MAGI2: variants seen among roughly 807,000 people sequenced by gnomAD.
MAGI2 encodes membrane-associated guanylate kinase, WW and PDZ domain-containing protein 2.
A neutral mutation model predicts 133.3 loss-of-function variants in MAGI2; 35 were observed. The ratio of observed to expected loss-of-function variants is 0.26; its 90% CI spans 0.20 to 0.35. MAGI2 has a LOEUF of 0.35. MAGI2 is among the 10% of genes least tolerant of loss of function. MAGI2 has a pLI of 1.00. For missense variants in MAGI2, 1,636 were observed against 1,863.4 expected (o/e 0.88, Z 2.25); for synonymous variants, 729 against 710.6 (o/e 1.03, Z -0.41).
chr7:78,381,524 C>A (rs774721349), intron 6 of MAGI2, among the ~76,000 whole-genome samples: 1 of 151,920 alleles, frequency 6.6e-6, no homozygotes, highest in Non-Finnish European at 1.5e-5. Flanking sequence ...AAAAGATAAC[C>A]GATGAACTGG....
At position 78,757,305 on chromosome 7, in the gene MAGI2, TTC is replaced by T. The variant is rs3086250; in HGVS notation, c.419-130068_419-130067del. Among the ~76,000 whole-genome samples the T allele has an allele frequency of 1.5e-3, 214 of 145,300 alleles. 2 individuals carry two copies. The highest frequency in any genetic ancestry group is 4.5e-3 in the African/African-American group (176 of 39,424). On this transcript the variant is annotated intron_variant, in intron 2 of 21. Transcript: ENST00000354212. ...TCCCTCCCTCCCTCCTTCTCCCTCC[TTC>T]TCTCTCTCTCTCTCTCTCTCCATAA... is the stretch of plus-strand genomic sequence containing the variant.
At chr7:78,976,466 A>T (rs996657452) in intron 2 of MAGI2, among the ~76,000 whole-genome samples, 1 of 151,382 alleles carries the variant, frequency 6.6e-6, no homozygotes, top group Admixed American at 6.6e-5. Context: ...TAAGTAAATA[A>T]ATAAATAAAT....
chr7:78,706,415 A>G (rs542970383), intron 2 of MAGI2, among the ~76,000 whole-genome samples: 3 of 152,088 alleles, frequency 2.0e-5, no homozygotes, highest in Admixed American at 6.6e-5. Flanking sequence ...TGTAAGTCCA[A>G]TTAAACCTCT....
At chr7:78,440,814 G>A (rs1327586800) in intron 6 of MAGI2, among the ~76,000 whole-genome samples, 5 of 151,998 alleles carry the variant, frequency 3.3e-5, no homozygotes, top group African/African-American at 7.2e-5. Context: ...TTAGCCAGGC[G>A]TGGTAGTGGG....
chr7:78,790,464 C>T (rs1383449690), intron 2 of MAGI2, among the ~76,000 whole-genome samples: 4 of 152,100 alleles, frequency 2.6e-5, no homozygotes, highest in Non-Finnish European at 4.4e-5. Flanking sequence ...GACAGAGTCT[C>T]CCTTTGTTGC....
At chr7:78,331,389 G>T (rs1161098568) in intron 9 of MAGI2, among the ~76,000 whole-genome samples, 1 of 152,194 alleles carries the variant, frequency 6.6e-6, no homozygotes, top group Non-Finnish European at 1.5e-5. Context: ...AAAAAATAAT[G>T]CAGATGGCAG....
chr7:78,894,503 C>T lies in MAGI2; in HGVS notation c.418+112587G>A, dbSNP rs192779667. On this transcript the variant is annotated intron_variant, in intron 2 of 21. Coordinates refer to ENST00000354212, the MANE Select transcript of MAGI2 (RefSeq NM_012301.4). Reference sequence around the variant, plus strand: ...GGAAAAATAATTAGTCTTCATGTACCTGTGCCATAATGCTTTTATCTGTAA... The same window carrying T: ...GGAAAAATAATTAGTCTTCATGTACTTGTGCCATAATGCTTTTATCTGTAA... Among the ~76,000 whole-genome samples, 38 of 152,208 alleles carry T rather than the reference C, an allele frequency of 2.5e-4. No homozygotes were observed. In the East Asian group the frequency reaches 6.6e-3, roughly 26 times the overall value.
Position 79,103,227 on chromosome 7 carries a change from G to A in MAGI2, c.302-96021C>T, listed in dbSNP as rs117132890. ...ACAATTAAGCCAATTTAAAATATTA[G>A]TCTGGCATTTAAAAATGAAGAAGCA... is the stretch of plus-strand genomic sequence containing the variant. On this transcript the variant is annotated intron_variant, in intron 1 of 21. Coordinates refer to ENST00000354212, the MANE Select transcript of MAGI2 (RefSeq NM_012301.4). Among the ~76,000 whole-genome samples the A allele has an allele frequency of 1.9e-4, 29 of 152,270 alleles. 2 individuals carry two copies. In the East Asian group the frequency reaches 5.6e-3, roughly 29 times the overall value.
intron 1 of MAGI2, among the ~76,000 whole-genome samples, chr7:79,323,115 C>A (rs923462601): frequency 4.6e-5 from 7 of 152,030 alleles, no homozygotes; most frequent in Non-Finnish European, 8.8e-5. Flanking sequence ...TGGGATTGAG[C>A]CACTGTGCCT....
At chr7:78,585,319 A>G (rs969212624) in intron 3 of MAGI2, among the ~76,000 whole-genome samples, 1 of 152,166 alleles carries the variant, frequency 6.6e-6, no homozygotes, top group Non-Finnish European at 1.5e-5. Flanking sequence ...CTCATCTTAC[A>G]AGGGTTATCA....
At chr7:78,712,067 C>T (rs1014682308) in intron 2 of MAGI2, among the ~76,000 whole-genome samples, 5 of 152,146 alleles carry the variant, frequency 3.3e-5, no homozygotes, top group Non-Finnish European at 7.4e-5. Context: ...AACAGTGCTA[C>T]TGGCAATGTC....
chr7:78,563,458 A>T lies in MAGI2; in HGVS notation c.539-41813T>A, dbSNP rs574818843. 1.4e-3 allele frequency among the ~76,000 whole-genome samples: 206 copies of T among 152,278 alleles called. 1 individual carries two copies. The highest frequency in any genetic ancestry group is 6.8e-3 in the Middle Eastern group (2 of 294). On this transcript the variant is annotated intron_variant, in intron 3 of 21. Coordinates refer to ENST00000354212, the MANE Select transcript of MAGI2 (RefSeq NM_012301.4). Reference sequence around the variant, plus strand: ...AGCTTTATGATGCAAAGCCACATTGATTCTAGGATTACGAGTTTTTGGAAA... The same window carrying T: ...AGCTTTATGATGCAAAGCCACATTGTTTCTAGGATTACGAGTTTTTGGAAA...
intron 1 of MAGI2, among the ~76,000 whole-genome samples, chr7:79,294,160 A>G (rs1836721489): frequency 6.7e-6 from 1 of 149,376 alleles, no homozygotes; most frequent in South Asian, 2.2e-4. Flanking sequence ...CCCGGGCAAC[A>G]GAGTGAGACT....
chr7:79,186,413 A>G (rs1193029363), intron 1 of MAGI2, among the ~76,000 whole-genome samples: 4 of 149,282 alleles, frequency 2.7e-5, no homozygotes, highest in Admixed American at 1.3e-4. Context: ...AAACATCTCA[A>G]TTTTGCTAAC....
At chr7:79,305,530 C>G (rs148817269) in intron 1 of MAGI2, among the ~76,000 whole-genome samples, 50 of 152,208 alleles carry the variant, frequency 3.3e-4, no homozygotes, top group African/African-American at 1.2e-3. Flanking sequence ...TATGTTAGAA[C>G]TAATTTGACC....
chr7:78,769,275 C>T (rs1453746442), intron 2 of MAGI2, among the ~76,000 whole-genome samples: 5 of 147,730 alleles, frequency 3.4e-5, no homozygotes, highest in Non-Finnish European at 7.5e-5. Context: ...TTTTTTTTAA[C>T]CTGTCAGCCC....
chr7:78,473,664 A>G (rs936392694), intron 6 of MAGI2, among the ~76,000 whole-genome samples: 2 of 127,806 alleles, frequency 1.6e-5, no homozygotes, highest in Admixed American at 8.3e-5. Context: ...ATCATGCCCA[A>G]TGATGTATAA....
At chr7:78,083,278 T>C (rs967209256) in intron 20 of MAGI2, among the ~76,000 whole-genome samples, 4 of 150,372 alleles carry the variant, frequency 2.7e-5, no homozygotes, top group African/African-American at 9.8e-5. Flanking sequence ...ATGAAACTTC[T>C]AAGATCTCCA....
intron 1 of MAGI2, among the ~76,000 whole-genome samples, chr7:79,337,560 A>G (rs1421830801): frequency 6.6e-6 from 1 of 152,200 alleles, no homozygotes; most frequent in Non-Finnish European, 1.5e-5. Context: ...CAAGTTTGTG[A>G]ACAAAATTCC....
Sources: gnomAD v4.1 joint callset for allele counts (sites outside exome capture counted in the v4.1 genomes callset) on GRCh38, gnomAD v4.1.1 for gene constraint, MANE v1.5 for transcripts, NCBI Gene and HGNC (gene_info 2026-07-23, HGNC 2026-07-21) for gene names.